EDA: variants seen among roughly 807,000 people sequenced by gnomAD.
EDA encodes ectodysplasin-A.
A neutral mutation model predicts 23.6 loss-of-function variants in EDA; 2 were observed. The ratio of observed to expected loss-of-function variants is 0.08; its 90% CI spans 0.03 to 0.27. The LOEUF (loss-of-function observed/expected upper bound fraction) is 0.27, where lower values mean the gene tolerates loss of function less well. Among genes scored for constraint, EDA ranks in the 10% least tolerant of loss-of-function variants. The pLI is 1.00. For synonymous variants in EDA, 131 were observed against 132.0 expected, an observed-to-expected ratio of 0.99 and a Z score of 0.05; for missense variants, 229 against 324.2, an observed-to-expected ratio of 0.71 and a Z score of 2.26.
At chrX:69,829,589 A>C (rs4844099) in intron 1 of EDA, among the ~76,000 whole-genome samples, 1 of 110,686 alleles carries the variant, frequency 9.0e-6, no homozygotes, top group African/African-American at 3.3e-5. Context: ...GCTTGGTTAC[A>C]TGGGCTTCAT....
At chrX:69,682,377 C>T (rs1456102896) in intron 1 of EDA, among the ~76,000 whole-genome samples, 1 of 112,782 alleles carries the variant, frequency 8.9e-6, no homozygotes, top group African/African-American at 3.2e-5. Flanking sequence ...CTGCTTTGTT[C>T]ACCTAAGCAA....
chrX:69,981,562 G>A (rs1304050030), intron 2 of EDA, among the ~76,000 whole-genome samples: 2 of 111,149 alleles, frequency 1.8e-5, no homozygotes, highest in South Asian at 3.8e-4. Context: ...TAAATTGAAG[G>A]CATGCAAGAA....
chrX:69,866,032 G>A lies in EDA; in HGVS notation c.397-90995G>A, dbSNP rs7061077. 3.3e-3 allele frequency among the ~76,000 whole-genome samples: 368 copies of A among 112,060 alleles called. 1 individual carries two copies. Among genetic ancestry groups the A allele is most frequent in the African/African-American group, 0.011 (348 of 30,881 alleles). On this transcript the variant is annotated intron_variant, in intron 1 of 7. Transcript: ENST00000374552. ...CGTTTCTGCAGCTGGTCATGTGGTCGTAGCTGGTATTGATGACTACCTTCT... is the reference window on the plus strand; with the variant it reads ...CGTTTCTGCAGCTGGTCATGTGGTCATAGCTGGTATTGATGACTACCTTCT...
At chrX:69,683,039 C>T in intron 1 of EDA, among the ~76,000 whole-genome samples, 1 of 111,257 alleles carries the variant, frequency 9.0e-6, no homozygotes, top group African/African-American at 3.3e-5. Flanking sequence ...GACAGTTTGA[C>T]CACTATATCT....
At chrX:69,895,457 C>T (rs1452173928) in intron 1 of EDA, among the ~76,000 whole-genome samples, 1 of 108,301 alleles carries the variant, frequency 9.2e-6, no homozygotes, top group Non-Finnish European at 1.9e-5. Flanking sequence ...CCCTTATCAT[C>T]TTTCTGTCCC....
intron 1 of EDA, among the ~76,000 whole-genome samples, chrX:69,789,757 T>C (rs951802315): frequency 1.8e-5 from 2 of 111,911 alleles, no homozygotes; most frequent in African/African-American, 6.5e-5. Context: ...TAACACTACT[T>C]TTTAGGATGC....
intron 1 of EDA, among the ~76,000 whole-genome samples, chrX:69,753,111 T>G (rs778460504): frequency 9.0e-6 from 1 of 111,713 alleles, no homozygotes; most frequent in African/African-American, 3.2e-5. Flanking sequence ...TTTCTTGCCT[T>G]CTGCTAGCTT....
rs1430814086 is a variant in EDA, at chrX:69,810,339, C to A, written c.397-146688C>A. ...TTTATTTTTGTGGTTATTGGACATT[C>A]ATCAAGGAGAGAGAGTCCTCTCTCC... On this transcript the variant is annotated intron_variant, in intron 1 of 7. Transcript: ENST00000374552. Among the ~76,000 whole-genome samples the A allele has an allele frequency of 1.2e-4, 11 of 94,131 alleles. 1 individual carries two copies. The highest frequency in any genetic ancestry group is 4.2e-4 in the African/African-American group (11 of 26,004). The allele number at this position is 94,131 out of a possible 115,157, so 81.7% of individuals were successfully genotyped here.
chrX:69,883,570 G>A (rs2017782770), intron 1 of EDA, among the ~76,000 whole-genome samples: 1 of 111,634 alleles, frequency 9.0e-6, no homozygotes, highest in East Asian at 2.8e-4. Flanking sequence ...CTATCTATAC[G>A]TTGATGGCCA....
chrX:69,752,770 T>C (rs1261519271), intron 1 of EDA, among the ~76,000 whole-genome samples: 2 of 112,046 alleles, frequency 1.8e-5, no homozygotes, highest in Non-Finnish European at 3.8e-5. Context: ...CATTGGTCTA[T>C]TCAGGGATTC....
At chrX:69,733,749 C>G (rs1353444467) in intron 1 of EDA, among the ~76,000 whole-genome samples, 49 of 111,555 alleles carry the variant, frequency 4.4e-4, no homozygotes, top group Non-Finnish European at 7.7e-4. Context: ...GAATGTTCTT[C>G]CATTTGTTTG....
intron 1 of EDA, among the ~76,000 whole-genome samples, chrX:69,683,652 C>T (rs998885003): frequency 9.0e-6 from 1 of 111,410 alleles, no homozygotes; most frequent in South Asian, 3.7e-4. Flanking sequence ...AAACGGCAGA[C>T]TGTGTCTTAC....
intron 1 of EDA, among the ~76,000 whole-genome samples, chrX:69,801,346 T>C (rs1416410711): frequency 9.2e-6 from 1 of 108,771 alleles, no homozygotes; most frequent in Non-Finnish European, 1.9e-5. Context: ...TTTTTTTTTT[T>C]CTTAAGAAAC....
intron 1 of EDA, among the ~76,000 whole-genome samples, chrX:69,687,145 T>G (rs1292606451): frequency 8.9e-6 from 1 of 112,083 alleles, no homozygotes; most frequent in Non-Finnish European, 1.9e-5. Context: ...ATTTCAGTTG[T>G]GGTTTTGATT....
At chrX:70,010,158 A>G (rs2019856572) in intron 2 of EDA, among the ~76,000 whole-genome samples, 1 of 111,821 alleles carries the variant, frequency 8.9e-6, no homozygotes, top group Non-Finnish European at 1.9e-5. Context: ...CAGCTCAACT[A>G]TATTGTCACT....
chrX:70,035,026 T>C (rs1163042386), intron 7 of EDA, among the ~76,000 whole-genome samples: 2 of 101,177 alleles, frequency 2.0e-5, no homozygotes, highest in Non-Finnish European at 4.0e-5. Context: ...GCACTCTGCT[T>C]CATGTCAGGG....
chrX:69,759,154 C>A (rs2014220485), intron 1 of EDA, among the ~76,000 whole-genome samples: 1 of 112,273 alleles, frequency 8.9e-6, no homozygotes, highest in African/African-American at 3.2e-5. Context: ...TTTAAACCAG[C>A]ATCATTCCCC....
chrX:69,659,730 A>G (rs1357548130), intron 1 of EDA, among the ~76,000 whole-genome samples: 1 of 111,630 alleles, frequency 9.0e-6, no homozygotes, highest in African/African-American at 3.3e-5. Flanking sequence ...TCTTTTTGCT[A>G]TCTTGTAATA....
At chrX:69,815,507 A>AC (rs1400139475) in intron 1 of EDA, among the ~76,000 whole-genome samples, 28 of 110,234 alleles carry the variant, frequency 2.5e-4, no homozygotes, top group Non-Finnish European at 4.4e-4. Flanking sequence ...GCTGTGGAGA[A>AC]AACAGACAGT....
Sources: allele counts gnomAD v4.1 joint callset (sites outside exome capture counted in the v4.1 genomes callset), GRCh38; gene constraint gnomAD v4.1.1; transcripts MANE v1.5; gene names NCBI Gene and HGNC (gene_info 2026-07-23, HGNC 2026-07-21).